Variants in AKT2 observed in about 807,000 individuals in gnomAD.
AKT2 encodes AKT serine/threonine kinase 2, also known as RAC-beta serine/threonine-protein kinase.
AKT2 carries 16 observed loss-of-function variants against 58.6 expected under a neutral mutation model. The ratio of observed to expected loss-of-function variants is 0.27; its 90% CI spans 0.18 to 0.41. The LOEUF (loss-of-function observed/expected upper bound fraction) is 0.41. AKT2 is among the 10% of genes least tolerant of loss of function. The pLI is 1.00. For missense variants in AKT2, 438 were observed against 661.0 expected, an observed-to-expected ratio of 0.66 and a Z score of 3.70; for synonymous variants, 253 against 254.0, an observed-to-expected ratio of 1.00 and a Z score of 0.04.
Position 40,236,404 on chromosome 19 carries a change from G to A in AKT2, c.832-19C>T, listed in dbSNP as rs1196772753. The A allele has an allele frequency of 6.2e-7, 1 of 1,613,884 alleles. No homozygotes were observed. Among genetic ancestry groups the A allele is most frequent in the Non-Finnish European group, 8.5e-7 (1 of 1,180,024 alleles). ...TTTCCAGCTGTTGGAAAAGTCAACG[G>A]ATCTCAGGTGCATGCTCCCAAGGCT... is the stretch of plus-strand genomic sequence containing the variant. On this transcript the variant is annotated intron_variant, in intron 9 of 13. Transcript: ENST00000392038.
At position 40,235,305 on chromosome 19, in the gene AKT2, C is replaced by T. The variant is rs746391776; in HGVS notation, c.1221G>A (p.Arg407=). The part of the protein sequence containing the change: ...PSDAKEVMEH[R]FFLSINWQDV... ...CCTGCCAGTTGATGCTGAGGAAGAA[C>T]CTGTGCTCCATGACCTCCTTGGCAT... The change falls in exon 12 of 14, where the codon AGG becomes AGA. Residue 407 remains arginine (R), a synonymous_variant. Transcript: ENST00000392038. This position sits in a 1 kb window ranked among gnomAD's most constrained non-coding sequence, Gnocchi z 6.3. 1 of 1,614,044 alleles carries T rather than the reference C, an allele frequency of 6.2e-7. No homozygotes were observed. The highest frequency in any genetic ancestry group is 8.5e-7 in the Non-Finnish European group (1 of 1,180,022).
At chr19:40,268,047 A>G (rs1976489344) in intron 1 of AKT2, among the ~76,000 whole-genome samples, 1 of 152,154 alleles carries the variant, frequency 6.6e-6, no homozygotes, top group African/African-American at 2.4e-5. Flanking sequence ...AGAGGTGGAC[A>G]GGGGAGAACA....
At chr19:40,246,905 C>G (rs145167115) in intron 4 of AKT2, among the ~76,000 whole-genome samples, 1 of 152,198 alleles carries the variant, frequency 6.6e-6, no homozygotes, top group Non-Finnish European at 1.5e-5. Context: ...AAGAGGTTGG[C>G]GGGCTGTCGG....
At chr19:40,256,017 GCTGTCCCTGAGA>G (rs999989756) in intron 3 of AKT2, among the ~76,000 whole-genome samples, 1 of 152,172 alleles carries the variant, frequency 6.6e-6, no homozygotes, top group Non-Finnish European at 1.5e-5. Flanking sequence ...CTCTCGGCCT[GCTGTCCCTGAGA>G]CAGAGACAGG....
At chr19:40,272,496 G>A (rs992818683) in intron 1 of AKT2, among the ~76,000 whole-genome samples, 6 of 152,130 alleles carry the variant, frequency 3.9e-5, no homozygotes, top group Admixed American at 1.3e-4. Context: ...GAAGGCTCGC[G>A]GCACGACAGA....
At chr19:40,239,925 C>T (rs1395941807) in intron 7 of AKT2, 120 bp downstream of exon 7, 1 of 1,276,980 alleles carries the variant, frequency 7.8e-7, no homozygotes, top group African/African-American at 1.5e-5. Context: ...GCAGCAACAC[C>T]TTGCCCTGCC....
In AKT2 at chr19:40,241,924, C is replaced by G. The variant is rs747510200; in HGVS notation, c.573+14G>C. Reference sequence around the variant, plus strand: ...CCCACAGAGGCTCGCGAGCGCAATTCCCGGGGCACGCACCTTGGCAATGAT... The same window carrying G: ...CCCACAGAGGCTCGCGAGCGCAATTGCCGGGGCACGCACCTTGGCAATGAT... On this transcript the variant is annotated intron_variant, in intron 6 of 13. Transcript: ENST00000392038. The G allele has an allele frequency of 2.5e-5, 41 of 1,613,422 alleles. 2 individuals are homozygous for G. In the South Asian group the frequency reaches 4.1e-4, roughly 16 times the overall value.
rs367845561 is a variant in AKT2 at position 40,260,779 on chromosome 19, G to A, written c.47-3725C>T. On this transcript the variant is annotated intron_variant, in intron 2 of 13. Transcript: ENST00000392038. The stretch of plus-strand genomic sequence containing the variant: ...TATTGATATACGCTACTACATAGAG[G>A]AACCTCAAAAACATTAAGCTTAGCC... Among the ~76,000 whole-genome samples the A allele has an allele frequency of 5.3e-5, 8 of 151,364 alleles. No homozygotes were observed. In the East Asian group the frequency reaches 9.8e-4, roughly 18 times the overall value.
intron 1 of AKT2, among the ~76,000 whole-genome samples, chr19:40,268,283 G>A (rs573581412): frequency 6.6e-6 from 1 of 152,196 alleles, no homozygotes; most frequent in Admixed American, 6.5e-5. Context: ...TCGCCTCTCA[G>A]GGCCCTTGTA....
At chr19:40,264,443 G>A (rs1457737530) in intron 2 of AKT2, among the ~76,000 whole-genome samples, 2 of 152,126 alleles carry the variant, frequency 1.3e-5, no homozygotes, top group Non-Finnish European at 1.5e-5. Context: ...GGCTGCTCTC[G>A]TCTGGAGTGC....
At chr19:40,255,499 C>T (rs1463442481) in intron 3 of AKT2, among the ~76,000 whole-genome samples, 3 of 152,056 alleles carry the variant, frequency 2.0e-5, no homozygotes, top group Non-Finnish European at 2.9e-5. Flanking sequence ...TAGACAGGGC[C>T]GCGATGGGGA....
chr19:40,249,200 G>C (rs917044020), intron 4 of AKT2, among the ~76,000 whole-genome samples: 2 of 152,132 alleles, frequency 1.3e-5, no homozygotes, highest in African/African-American at 4.8e-5. Flanking sequence ...GGGGGAACAG[G>C]CTCCAAATTT....
intron 1 of AKT2, among the ~76,000 whole-genome samples, chr19:40,284,057 G>C (rs541632997): frequency 4.6e-5 from 7 of 152,150 alleles, no homozygotes; most frequent in Non-Finnish European, 1.0e-4. Flanking sequence ...TGCTTCTCTG[G>C]GAAGGTAGGA....
intron 2 of AKT2, among the ~76,000 whole-genome samples, chr19:40,260,251 G>C (rs1312200490): frequency 6.6e-6 from 1 of 152,064 alleles, no homozygotes; most frequent in Non-Finnish European, 1.5e-5. Flanking sequence ...AACAAGTGTT[G>C]GCAAGGATAT....
At position 40,233,734 on chromosome 19, in the gene AKT2, G is replaced by C. The variant is rs1367555707; in HGVS notation, c.*138C>G. ...GGGCCGCTGGGGTGCGTCTGGGAGGGGCCTGAAGAAGAACTGGAAAGGGGG... is the reference window on the plus strand; with the variant it reads ...GGGCCGCTGGGGTGCGTCTGGGAGGCGCCTGAAGAAGAACTGGAAAGGGGG... On this transcript the variant is annotated 3_prime_UTR_variant, in exon 14 of 14. Transcript: ENST00000392038. This position sits in a 1 kb window ranked among gnomAD's most constrained non-coding sequence, Gnocchi z 4.3. The C allele has an allele frequency of 1.2e-6, 1 of 865,100 alleles. No homozygotes were observed. The highest frequency in any genetic ancestry group is 1.7e-5 in the African/African-American group (1 of 59,944). The allele number at this position is 865,100 out of a possible 1,614,324, so 53.6% of individuals were successfully genotyped here. A position where few individuals can be genotyped will look rare whatever the true frequency, so the allele number is the denominator to read the frequency against.
intron 1 of AKT2, among the ~76,000 whole-genome samples, chr19:40,271,204 C>CATAT (rs2077206783): frequency 7.5e-6 from 1 of 133,038 alleles, no homozygotes; most frequent in African/African-American, 3.3e-5. Context: ...TACGTACATA[C>CATAT]ATACATACAT....
rs1973712380 is a variant in AKT2 at position 40,231,737 on chromosome 19, A to G, written c.*2135T>C. The G allele has an allele frequency of 4.3e-6, 1 of 233,396 alleles. No homozygotes were observed. The highest frequency in any genetic ancestry group is 8.5e-6 in the Non-Finnish European group (1 of 118,124). The allele number at this position is 233,396 out of a possible 1,614,324, so 14.5% of individuals were successfully genotyped here. A position where few individuals can be genotyped will look rare whatever the true frequency, so the allele number is the denominator to read the frequency against. On this transcript the variant is annotated 3_prime_UTR_variant, in exon 14 of 14. Transcript: ENST00000392038. ...GCACGGGAAGTGCAGGGGCCCAGAC[A>G]CATCCAGGCTAAAGGGCAGTGACTA...
At position 40,265,371 on chromosome 19, in the gene AKT2, C is replaced by G. The variant is rs1263252861; in HGVS notation, c.-84-20G>C. 9.0e-6 allele frequency: 14 copies of G among 1,548,946 alleles called. No homozygotes were observed. The highest frequency in any genetic ancestry group is 1.2e-5 in the Non-Finnish European group (14 of 1,150,786). On this transcript the variant is annotated intron_variant, in intron 1 of 13. Coordinates refer to ENST00000392038, the MANE Select transcript of AKT2 (RefSeq NM_001626.6). ...CACAGTCTGCAAGACAAGAGAGGAG[C>G]TGGTCAGGGCGGGAGGGGATTCCAC... is the stretch of plus-strand genomic sequence containing the variant.
rs553646470 is a variant in AKT2, at chr19:40,240,125, C to T, written c.574-15G>A. On this transcript the variant is annotated splice_polypyrimidine_tract_variant and intron_variant, in intron 6 of 13. Coordinates refer to ENST00000392038, the MANE Select transcript of AKT2 (RefSeq NM_001626.6). ...GCGACTTCATCCTGCAGACAGACTGCGGGTGAGGGGCTGGTGGGCAACACC... is the reference window on the plus strand; with the variant it reads ...GCGACTTCATCCTGCAGACAGACTGTGGGTGAGGGGCTGGTGGGCAACACC... The T allele has an allele frequency of 1.3e-4, 213 of 1,613,794 alleles. 1 individual carries two copies. Among genetic ancestry groups the T allele is most frequent in the Middle Eastern group, 6.6e-4 (4 of 6,062 alleles).
Sources: allele counts gnomAD v4.1 joint callset (sites outside exome capture counted in the v4.1 genomes callset), GRCh38; gene constraint gnomAD v4.1.1; non-coding constraint Gnocchi (gnomAD v3.1); transcripts MANE v1.5; gene names NCBI Gene and HGNC (gene_info 2026-07-23, HGNC 2026-07-21).